Variants in IL16 observed in about 807,000 individuals in gnomAD.
IL16 encodes the protein interleukin 16.
In IL16, 67 loss-of-function variants were observed where a neutral mutation model predicts 110.1. The ratio of observed to expected loss-of-function variants is 0.61; its 90% CI spans 0.50 to 0.75. The LOEUF (loss-of-function observed/expected upper bound fraction) is 0.75, where lower values mean the gene tolerates loss of function less well. Among genes scored for constraint, IL16 ranks in the 30% least tolerant of loss-of-function variants. The pLI is 0.00. For synonymous variants in IL16, 689 were observed against 662.9 expected (o/e 1.04, Z -0.61); for missense variants, 1,545 against 1,655.0 (o/e 0.93, Z 1.15).
chr15:81,182,989 G>A, intron 1 of IL16: 7 of 799,296 alleles, frequency 8.8e-6, no homozygotes, highest in Non-Finnish European at 1.3e-5. Context: ...GGGAATGGAA[G>A]CATGGTTTTG....
chr15:81,231,811 G>A (rs1006798883), intron 2 of IL16, among the ~76,000 whole-genome samples: 1 of 152,026 alleles, frequency 6.6e-6, no homozygotes, highest in South Asian at 2.1e-4. Context: ...TTTCCTACGT[G>A]AATATCCAAT....
intron 2 of IL16, among the ~76,000 whole-genome samples, chr15:81,236,482 A>G (rs183083006): frequency 6.6e-6 from 1 of 152,318 alleles, no homozygotes; most frequent in Admixed American, 6.5e-5. Context: ...GCCCACAGGT[A>G]TGATTAATCT....
chr15:81,259,098 A>T (rs1898060493), intron 2 of IL16, among the ~76,000 whole-genome samples: 1 of 152,234 alleles, frequency 6.6e-6, no homozygotes, highest in African/African-American at 2.4e-5. Context: ...GTTTAACAAT[A>T]TTGATTTTTA....
intron 2 of IL16, among the ~76,000 whole-genome samples, chr15:81,249,363 T>C (rs1200232643): frequency 1.3e-5 from 2 of 152,184 alleles, no homozygotes; most frequent in African/African-American, 4.8e-5. Flanking sequence ...AAAATATTTT[T>C]GGAATTTCTT....
chr15:81,299,621 T>G lies in IL16; in HGVS notation c.2295T>G (p.Asn765Lys), dbSNP rs756613109. Residue 765 changes from asparagine to lysine, a missense_variant, in exon 14 of 19, where the codon AAT (asparagine) becomes AAG (lysine). Around this residue, in one of 3 missense-constraint regions of IL16, gnomAD observed 1,185 missense variants for 1,238.8 expected, o/e 0.96. Coordinates refer to ENST00000683961, the MANE Select transcript of IL16 (RefSeq NM_172217.5). Reference protein sequence around the residue: ...DGTPPKLDTANGTPKVYKSAD... With the variant: ...DGTPPKLDTAKGTPKVYKSAD... ...CCCCACCAAAGCTGGACACCGCCAATGGCACTCCCAAAGTTTACAAGTCAG... is the reference window on the plus strand; with the variant it reads ...CCCCACCAAAGCTGGACACCGCCAAGGGCACTCCCAAAGTTTACAAGTCAG... 1.9e-6 allele frequency: 3 copies of G among 1,614,034 alleles called. No homozygotes were observed. In the African/African-American group the frequency reaches 4.0e-5, roughly 22 times the overall value.
intron 2 of IL16, among the ~76,000 whole-genome samples, chr15:81,238,695 T>A (rs1254846460): frequency 6.6e-6 from 1 of 152,110 alleles, no homozygotes; most frequent in Non-Finnish European, 1.5e-5. Flanking sequence ...TTATGTTTAT[T>A]TATATTTTTA....
At chr15:81,248,655 T>A (rs1897650927) in intron 2 of IL16, among the ~76,000 whole-genome samples, 1 of 150,412 alleles carries the variant, frequency 6.6e-6, no homozygotes, top group South Asian at 2.1e-4. Flanking sequence ...ATTTTCTCAT[T>A]CCCTTTCTCC....
chr15:81,304,920 T>C (rs541324460), intron 16 of IL16, among the ~76,000 whole-genome samples: 3 of 152,328 alleles, frequency 2.0e-5, no homozygotes, highest in Admixed American at 2.0e-4. Context: ...TATCACTCAG[T>C]CCTCTTAATT....
chr15:81,233,677 A>G (rs1271723441), intron 2 of IL16, among the ~76,000 whole-genome samples: 2 of 152,076 alleles, frequency 1.3e-5, no homozygotes, highest in African/African-American at 4.8e-5. Context: ...ATCTGTATAT[A>G]CATATATATT....
intron 2 of IL16, among the ~76,000 whole-genome samples, chr15:81,247,076 C>T (rs200705040): frequency 0.094 from 8,621 of 92,068 alleles, 449 homozygotes; most frequent in African/African-American, 0.16. Flanking sequence ...TTTTCTTTTC[C>T]TTTTTTTTTT....
rs1166176231 is a variant in IL16, at chr15:81,305,765, G to C, written c.3421-143G>C. 4 of 985,590 alleles carry C rather than the reference G, an allele frequency of 4.1e-6. No individual in the cohort carries two copies. In the East Asian group the frequency reaches 9.7e-5, roughly 24 times the overall value. 61.1% of individuals were successfully genotyped at this position (985,590 alleles called of 1,614,324 possible). A position where few individuals can be genotyped will look rare whatever the true frequency, so the allele number is the denominator to read the frequency against. On this transcript the variant is annotated intron_variant, in intron 16 of 18. Transcript: ENST00000683961. ...GGGAATGCTGGCCTCTGTGCCAGCA[G>C]CTCCAATCTAGGACACAATTATCTT... is the stretch of plus-strand genomic sequence containing the variant.
chr15:81,247,492 T>C (rs1018949897), intron 2 of IL16, among the ~76,000 whole-genome samples: 1 of 152,176 alleles, frequency 6.6e-6, no homozygotes, highest in Non-Finnish European at 1.5e-5. Flanking sequence ...AAGACAAAAA[T>C]CAAAACCTTT....
intron 12 of IL16, 57 bp from the exon 13 acceptor site, chr15:81,296,871 T>C: frequency 6.7e-7 from 1 of 1,494,920 alleles, no homozygotes; most frequent in African/African-American, 1.4e-5. Flanking sequence ...GTGTCTCGCC[T>C]TCTCACAGCT....
intron 1 of IL16, among the ~76,000 whole-genome samples, chr15:81,203,981 A>C (rs1295730917): frequency 2.0e-5 from 3 of 151,230 alleles, no homozygotes; most frequent in Non-Finnish European, 4.4e-5. Flanking sequence ...ATTTGTTTGT[A>C]TCCTCTTTTA....
At chr15:81,197,199 C>T in intron 1 of IL16, 47 bp downstream of exon 1, 1 of 1,236,928 alleles carries the variant, frequency 8.1e-7, no homozygotes, top group Non-Finnish European at 1.1e-6. Context: ...GTGGCCGTTA[C>T]CGGAGGGAGG....
rs1390710780 is a variant in IL16, at chr15:81,300,361, C to T, written c.3035C>T (p.Ala1012Val). ...LLCLPSSISC[A>V]QTPCIPKEGA... ...TGCCTTCCATCTTCTATCTCCTGTG[C>T]CCAGACTCCCTGCATCCCCAAGGAA... Residue 1012 changes from alanine to valine, a missense_variant, in exon 14 of 19, where the codon GCC becomes GTC. By Grantham distance (64) the Ala-to-Val change is moderately conservative. Around this residue, in one of 3 missense-constraint regions of IL16, gnomAD observed 356 missense variants for 399.3 expected, o/e 0.89. Transcript: ENST00000683961. 2 of 1,613,990 alleles carry T rather than the reference C, an allele frequency of 1.2e-6. No homozygotes were observed. Among genetic ancestry groups the T allele is most frequent in the East Asian group, 2.2e-5 (1 of 44,892 alleles).
At chr15:81,234,182 A>G (rs553500365) in intron 2 of IL16, among the ~76,000 whole-genome samples, 13 of 152,166 alleles carry the variant, frequency 8.5e-5, no homozygotes, top group Non-Finnish European at 1.3e-4. Context: ...ACATGCAAGC[A>G]TCATATAATT....
At chr15:81,302,693 G>A (rs1309639724) in intron 15 of IL16, among the ~76,000 whole-genome samples, 1 of 152,126 alleles carries the variant, frequency 6.6e-6, no homozygotes, top group Non-Finnish European at 1.5e-5. Flanking sequence ...GAACCTGTAG[G>A]TGTACTTTAT....
intron 1 of IL16, among the ~76,000 whole-genome samples, chr15:81,183,298 G>A (rs1273737152): frequency 6.6e-6 from 1 of 152,160 alleles, no homozygotes; most frequent in Admixed American, 6.5e-5. Flanking sequence ...CACCAGTTCC[G>A]CTCCAGTTTC....
Sources: gnomAD v4.1 joint callset for allele counts (sites outside exome capture counted in the v4.1 genomes callset) on GRCh38, gnomAD v4.1.1 for gene constraint, gnomAD v4.1.1 regional missense constraint, MANE v1.5 for transcripts, NCBI Gene and HGNC (gene_info 2026-07-23, HGNC 2026-07-21) for gene names.